Variants in COL4A6 observed in about 807,000 individuals in gnomAD.
COL4A6 encodes the protein collagen type IV alpha 6 chain.
In COL4A6, 59 loss-of-function variants were observed where a neutral mutation model predicts 126.7. That is an observed-to-expected ratio of 0.47 (90% confidence interval 0.38 to 0.58). The LOEUF (loss-of-function observed/expected upper bound fraction) is 0.58. Among genes scored for constraint, COL4A6 ranks in the 20% least tolerant of loss-of-function variants. COL4A6 has a pLI of 0.00. For synonymous variants in COL4A6, 547 were observed against 496.6 expected, an observed-to-expected ratio of 1.10 and a Z score of -1.35; for missense variants, 1,285 against 1,337.3, an observed-to-expected ratio of 0.96 and a Z score of 0.61.
At chrX:108,266,652 A>C (rs2037310282) in intron 3 of COL4A6, among the ~76,000 whole-genome samples, 1 of 111,770 alleles carries the variant, frequency 8.9e-6, no homozygotes, top group Non-Finnish European at 1.9e-5. Flanking sequence ...ATAATATGTA[A>C]GTATAGAATT....
intron 3 of COL4A6, among the ~76,000 whole-genome samples, chrX:108,273,037 A>T (rs1010790733): frequency 4.5e-5 from 5 of 109,988 alleles, no homozygotes; most frequent in Non-Finnish European, 9.5e-5. Flanking sequence ...TGCACCCACT[A>T]ACTCGTCATT....
At chrX:108,397,696 C>A (rs1465528911) in intron 2 of COL4A6, among the ~76,000 whole-genome samples, 1 of 109,377 alleles carries the variant, frequency 9.1e-6, no homozygotes, top group Non-Finnish European at 1.9e-5. Context: ...AATCATATCA[C>A]AAAGACATTG....
chrX:108,293,669 A>G (rs1002347867), intron 3 of COL4A6, among the ~76,000 whole-genome samples: 8 of 111,382 alleles, frequency 7.2e-5, no homozygotes, highest in Admixed American at 3.8e-4. Context: ...CCAACCTGAC[A>G]CTGTACAAGT....
chrX:108,354,487 T>C (rs1291825368), intron 2 of COL4A6, among the ~76,000 whole-genome samples: 1 of 111,319 alleles, frequency 9.0e-6, no homozygotes, highest in African/African-American at 3.3e-5. Flanking sequence ...TTTTGAACCC[T>C]GTGACTTGGA....
chrX:108,161,319 A>G (rs2033925650), intron 42 of COL4A6, among the ~76,000 whole-genome samples: 1 of 111,777 alleles, frequency 8.9e-6, no homozygotes. Context: ...GGGGAGGTAA[A>G]GGGCAGGGGG....
chrX:108,414,558 T>C (rs1373595545), intron 2 of COL4A6, among the ~76,000 whole-genome samples: 3 of 107,191 alleles, frequency 2.8e-5, no homozygotes, highest in East Asian at 2.9e-4. Flanking sequence ...GGTGGGAGGA[T>C]TGCTTGAGTC....
chrX:108,181,415 C>A (rs185215580), intron 23 of COL4A6, among the ~76,000 whole-genome samples: 2 of 112,001 alleles, frequency 1.8e-5, no homozygotes, highest in Non-Finnish European at 3.8e-5. Context: ...AAGCCAAGAT[C>A]CCTCAAGTTC....
intron 2 of COL4A6, among the ~76,000 whole-genome samples, chrX:108,355,215 C>A (rs2039934115): frequency 8.9e-6 from 1 of 112,015 alleles, no homozygotes; most frequent in Non-Finnish European, 1.9e-5. Flanking sequence ...GAAACACTGG[C>A]ATTACAGAGA....
chrX:108,376,464 G>T (rs1344130569), intron 2 of COL4A6, among the ~76,000 whole-genome samples: 1 of 111,196 alleles, frequency 9.0e-6, no homozygotes, highest in African/African-American at 3.3e-5. Context: ...ATTTAACTGG[G>T]CATGGTGGCA....
chrX:108,374,465 C>T (rs1407562076), intron 2 of COL4A6, among the ~76,000 whole-genome samples: 1 of 111,982 alleles, frequency 8.9e-6, no homozygotes, highest in Non-Finnish European at 1.9e-5. Context: ...AAACCACTAA[C>T]AGAATTGAAC....
rs182657563 is a variant in COL4A6 at position 108,253,748 on chromosome X, G to A, written c.145-32374C>T. On this transcript the variant is annotated intron_variant, in intron 3 of 44. Coordinates refer to ENST00000334504, the MANE Select transcript of COL4A6 (RefSeq NM_033641.4). The stretch of plus-strand genomic sequence containing the variant: ...AGTGGAGTCCAGGACAGGATGGAAC[G>A]TATCCATAACCCCTAGTTCTTTCCT... Among the ~76,000 whole-genome samples the A allele has an allele frequency of 2.2e-4, 25 of 111,825 alleles. No individual in the cohort carries two copies. In the East Asian group the frequency reaches 6.0e-3, roughly 27 times the overall value.
At chrX:108,433,006 G>C (rs1202416785) in intron 2 of COL4A6, among the ~76,000 whole-genome samples, 1 of 111,807 alleles carries the variant, frequency 8.9e-6, no homozygotes, top group Non-Finnish European at 1.9e-5. Flanking sequence ...GCTTGAAAGA[G>C]GGCTGTTTGC....
intron 29 of COL4A6, among the ~76,000 whole-genome samples, chrX:108,175,450 G>T (rs2034451348): frequency 8.9e-6 from 1 of 111,754 alleles, no homozygotes; most frequent in Non-Finnish European, 1.9e-5. Context: ...GGTCTTCCGG[G>T]AATGGGCACA....
chrX:108,179,548 T>C lies in COL4A6; in HGVS notation c.2132-110A>G, dbSNP rs982138141. On this transcript the variant is annotated intron_variant, in intron 25 of 44. Coordinates refer to ENST00000334504, the MANE Select transcript of COL4A6 (RefSeq NM_033641.4). ...AATATGAAAGCTAACATATTAATAATATATGTCACTTCTCTTGAAGGTCAG... is the reference window on the plus strand; with the variant it reads ...AATATGAAAGCTAACATATTAATAACATATGTCACTTCTCTTGAAGGTCAG... 4 of 578,917 alleles carry C rather than the reference T, an allele frequency of 6.9e-6. No homozygotes were observed. In the African/African-American group the frequency reaches 9.3e-5, roughly 13 times the overall value. The allele number at this position is 578,917 out of a possible 1,213,427, so 47.7% of individuals were successfully genotyped here. A position where few individuals can be genotyped will look rare whatever the true frequency, so the allele number is the denominator to read the frequency against.
intron 18 of COL4A6, among the ~76,000 whole-genome samples, chrX:108,192,206 GT>G (rs1186247721): frequency 2.7e-5 from 3 of 111,976 alleles, no homozygotes; most frequent in African/African-American, 9.7e-5. Flanking sequence ...GACTCCTCTT[GT>G]TGCTGCAAAC....
chrX:108,438,736 C>T (rs1202598446), upstream of COL4A6, among the ~76,000 whole-genome samples: 1 of 112,999 alleles, frequency 8.8e-6, no homozygotes. Flanking sequence ...GCATACAACA[C>T]TGATTCAAAT....
At chrX:108,178,602 C>A in intron 27 of COL4A6, 82 bp downstream of exon 27, 1 of 987,871 alleles carries the variant, frequency 1.0e-6, no homozygotes, top group Admixed American at 2.7e-5. Flanking sequence ...TGTCCCACTA[C>A]TGCTATTGCC....
intron 2 of COL4A6, chrX:108,383,859 T>C (rs778635007): frequency 4.1e-6 from 2 of 488,427 alleles, no homozygotes; most frequent in African/African-American, 2.4e-5. Flanking sequence ...ACATGCATGA[T>C]ATTGATGTGG....
chrX:108,243,057 A>T (rs2036617370), intron 3 of COL4A6, among the ~76,000 whole-genome samples: 1 of 111,543 alleles, frequency 9.0e-6, no homozygotes, highest in Non-Finnish European at 1.9e-5. Flanking sequence ...GTTAAAAAAA[A>T]AGGTTCTGAT....
Sources: gnomAD v4.1 joint callset for allele counts (sites outside exome capture counted in the v4.1 genomes callset) on GRCh38, gnomAD v4.1.1 for gene constraint, MANE v1.5 for transcripts, NCBI Gene and HGNC (gene_info 2026-07-23, HGNC 2026-07-21) for gene names.